ANO2: variants seen among roughly 807,000 people sequenced by gnomAD.
The protein encoded by ANO2 is anoctamin 2, also known as anoctamin-2.
A neutral mutation model predicts 124.2 loss-of-function variants in ANO2; 101 were observed. The ratio of observed to expected loss-of-function variants is 0.81; its 90% CI spans 0.69 to 0.96. ANO2 has a LOEUF of 0.96. ANO2 is among the 40% of genes least tolerant of loss of function. The probability of loss-of-function intolerance (pLI) is 0.00; values close to 1 mark genes in which losing one functional copy is unlikely to be tolerated. For missense variants in ANO2, 1,293 were observed against 1,274.5 expected, an observed-to-expected ratio of 1.01 and a Z score of -0.22; for synonymous variants, 486 against 482.5, an observed-to-expected ratio of 1.01 and a Z score of -0.09.
rs1270844888 is a variant in ANO2 at position 5,727,339 on chromosome 12, C to T, written c.1545+5181G>A. Among the ~76,000 whole-genome samples, 2 of 152,196 alleles carry T rather than the reference C, an allele frequency of 1.3e-5. 1 individual carries two copies. The highest frequency in any genetic ancestry group is 4.2e-4 in the South Asian group (2 of 4,800). ...CGCCTTCCACAATGATTATAAACTTCCTGAGGCCTCCTTAGAAGTCAAGAA... is the reference window on the plus strand; with the variant it reads ...CGCCTTCCACAATGATTATAAACTTTCTGAGGCCTCCTTAGAAGTCAAGAA... On this transcript the variant is annotated intron_variant, in intron 14 of 24. Transcript: ENST00000682330.
intron 3 of ANO2, among the ~76,000 whole-genome samples, chr12:5,903,935 C>T (rs1449029224): frequency 3.3e-5 from 5 of 152,270 alleles, no homozygotes; most frequent in South Asian, 4.1e-4. Flanking sequence ...AGGTGGTGAG[C>T]AGATTAAGCA....
intron 9 of ANO2, among the ~76,000 whole-genome samples, chr12:5,805,466 T>C (rs1392993345): frequency 6.6e-6 from 1 of 152,202 alleles, no homozygotes. Flanking sequence ...TCCTAGTTTC[T>C]TGAACTACAA....
chr12:5,732,885 T>C (rs1344127770), intron 13 of ANO2: 1 of 1,613,940 alleles, frequency 6.2e-7, no homozygotes, highest in Non-Finnish European at 8.5e-7. Flanking sequence ...TTCCTGGGGA[T>C]AGCGCCGGTG....
At chr12:5,879,775 G>C (rs577376095) in intron 3 of ANO2, among the ~76,000 whole-genome samples, 187 of 152,284 alleles carry the variant, frequency 1.2e-3, no homozygotes, top group African/African-American at 4.4e-3. Context: ...TGTGCATTTG[G>C]GGTCAAGTAA....
At chr12:5,672,650 C>T (rs1948069304) in intron 14 of ANO2, among the ~76,000 whole-genome samples, 1 of 152,084 alleles carries the variant, frequency 6.6e-6, no homozygotes, top group African/African-American at 2.4e-5. Flanking sequence ...TGTATGCACA[C>T]ATATTTTCAC....
chr12:5,885,069 C>T (rs770824144), intron 3 of ANO2, among the ~76,000 whole-genome samples: 7 of 152,198 alleles, frequency 4.6e-5, no homozygotes, highest in Non-Finnish European at 8.8e-5. Context: ...ATTCCTATTC[C>T]GTGGAAGCCG....
chr12:5,583,944 A>C (rs1266346173), intron 20 of ANO2: 3 of 228,050 alleles, frequency 1.3e-5, no homozygotes, highest in Non-Finnish European at 2.9e-5. Flanking sequence ...GCACAGCTTC[A>C]TCCTGAAGGC....
Position 5,744,190 on chromosome 12 carries a change from T to A in ANO2, c.1318A>T (p.Thr440Ser). The A allele has an allele frequency of 6.2e-7, 1 of 1,613,896 alleles. No individual in the cohort carries two copies. Among genetic ancestry groups the A allele is most frequent in the Non-Finnish European group, 8.5e-7 (1 of 1,179,852 alleles). Residue 440 changes from threonine to serine, a missense_variant, in exon 12 of 25, where the codon ACC (threonine) becomes TCC (serine). By Grantham distance (58) the Thr-to-Ser change is moderately conservative (BLOSUM62 1). Coordinates refer to ENST00000682330, the MANE Select transcript of ANO2 (RefSeq NM_001364791.2). Reference sequence around the variant, plus strand: ...GCCATGAAGATAGAGAAGAAGACGGTGGCAGGGTTGTCAAACAGGTGGCTG... The same window carrying A: ...GCCATGAAGATAGAGAAGAAGACGGAGGCAGGGTTGTCAAACAGGTGGCTG... ...QASHLFDNPATVFFSIFMALW... is the reference protein window; with the variant it reads ...QASHLFDNPASVFFSIFMALW...
At chr12:5,682,361 G>C (rs546272448) in intron 14 of ANO2, among the ~76,000 whole-genome samples, 76 of 146,514 alleles carry the variant, frequency 5.2e-4, no homozygotes, top group African/African-American at 1.9e-3. Flanking sequence ...CTCTCTCTCT[G>C]TCTGTCTCTC....
chr12:5,889,382 G>A (rs1262445931), intron 3 of ANO2, among the ~76,000 whole-genome samples: 10 of 152,378 alleles, frequency 6.6e-5, no homozygotes, highest in African/African-American at 2.2e-4. Context: ...CTGCCAGCAC[G>A]CTGTCACCTC....
intron 15 of ANO2, among the ~76,000 whole-genome samples, chr12:5,646,834 T>C (rs1946662873): frequency 6.6e-6 from 1 of 152,224 alleles, no homozygotes; most frequent in South Asian, 2.1e-4. Flanking sequence ...ACCTTTTAAA[T>C]TTCTGAGACG....
At chr12:5,668,838 C>T (rs377375200) in intron 14 of ANO2, among the ~76,000 whole-genome samples, 27 of 152,206 alleles carry the variant, frequency 1.8e-4, no homozygotes, top group African/African-American at 5.3e-4. Context: ...CCAGATTTCT[C>T]GAAGATCAGA....
intron 16 of ANO2, among the ~76,000 whole-genome samples, chr12:5,624,272 C>T (rs1234859050): frequency 6.6e-6 from 1 of 152,042 alleles, no homozygotes; most frequent in Non-Finnish European, 1.5e-5. Flanking sequence ...AACAGACAGA[C>T]AGACAGACAG....
At chr12:5,796,405 C>G (rs1952853491) in intron 10 of ANO2, among the ~76,000 whole-genome samples, 1 of 151,508 alleles carries the variant, frequency 6.6e-6, no homozygotes, top group Admixed American at 6.6e-5. Flanking sequence ...CTCTGGCACA[C>G]ACACACACTC....
intron 4 of ANO2, among the ~76,000 whole-genome samples, chr12:5,846,230 G>A (rs897908730): frequency 1.3e-4 from 20 of 152,126 alleles, no homozygotes; most frequent in Non-Finnish European, 2.9e-4. Flanking sequence ...GCCACATTGG[G>A]TCTCCTTCCA....
chr12:5,802,281 T>C (rs1953064482), intron 9 of ANO2, among the ~76,000 whole-genome samples: 1 of 152,154 alleles, frequency 6.6e-6, no homozygotes, highest in Non-Finnish European at 1.5e-5. Flanking sequence ...AGCTTGTGGA[T>C]ATAGATGAGG....
upstream of ANO2, chr12:5,946,007 G>T: frequency 1.1e-6 from 1 of 933,602 alleles, no homozygotes; most frequent in Non-Finnish European, 1.7e-6. The surrounding 1 kb of genome is among the most constrained non-coding windows in gnomAD (Gnocchi z 4.1). Context: ...GGGGATGGGA[G>T]GGAAGACCTC....
intron 14 of ANO2, among the ~76,000 whole-genome samples, chr12:5,665,560 T>C (rs1315425714): frequency 6.6e-6 from 1 of 152,186 alleles, no homozygotes; most frequent in African/African-American, 2.4e-5. Context: ...GGGATTTTAT[T>C]TGTTGCCCCA....
chr12:5,683,437 G>A (rs1026216906), intron 14 of ANO2, among the ~76,000 whole-genome samples: 6 of 152,088 alleles, frequency 3.9e-5, no homozygotes, highest in Non-Finnish European at 1.5e-5. Flanking sequence ...CAAATGAAGA[G>A]ACAAGGCTTA....
Sources: allele counts gnomAD v4.1 joint callset (sites outside exome capture counted in the v4.1 genomes callset), GRCh38; gene constraint gnomAD v4.1.1; non-coding constraint Gnocchi (gnomAD v3.1); transcripts MANE v1.5; gene names NCBI Gene and HGNC (gene_info 2026-07-23, HGNC 2026-07-21).